VPS13B: variants seen among roughly 807,000 people sequenced by gnomAD.
VPS13B encodes vacuolar protein sorting 13 homolog B, also known as intermembrane lipid transfer protein VPS13B.
A neutral mutation model predicts 426.4 loss-of-function variants in VPS13B; 285 were observed. The observed-to-expected ratio is 0.67, with a 90% CI of 0.61 to 0.74. The LOEUF (loss-of-function observed/expected upper bound fraction) is 0.74, where lower values mean the gene tolerates loss of function less well. Among genes scored for constraint, VPS13B ranks in the 30% least tolerant of loss-of-function variants. The pLI is 0.00. For synonymous variants in VPS13B, 1,676 were observed against 1,676.4 expected (o/e 1.00, Z 0.01); for missense variants, 4,537 against 4,782.6 (o/e 0.95, Z 1.51).
At chr8:99,732,986 C>T (rs1388675586) in intron 39 of VPS13B, among the ~76,000 whole-genome samples, 1 of 152,130 alleles carries the variant, frequency 6.6e-6, no homozygotes, top group African/African-American at 2.4e-5. Flanking sequence ...CTATTAAATA[C>T]TCTCACATTT....
intron 3 of VPS13B, among the ~76,000 whole-genome samples, chr8:99,044,430 G>GT (rs1268409824): frequency 6.6e-6 from 1 of 151,020 alleles, no homozygotes; most frequent in South Asian, 2.1e-4. Context: ...GTGTGTGTGT[G>GT]TTTTTTTAAT....
chr8:99,696,874 C>A, intron 35 of VPS13B: 1 of 825,202 alleles, frequency 1.2e-6, no homozygotes. Context: ...CCATCGGCAT[C>A]AACAACTTCT....
chr8:99,405,367 T>C (rs1039810902), intron 21 of VPS13B, among the ~76,000 whole-genome samples: 6 of 152,220 alleles, frequency 3.9e-5, no homozygotes, highest in African/African-American at 9.7e-5. Context: ...TCATCCTTAG[T>C]GTCTCCCTTT....
chr8:99,095,918 C>T lies in VPS13B; in HGVS notation c.292-394C>T, dbSNP rs1367093852. ...GCTTGGATTGAAAATAGTGTTTTAACATATAAACAACAAATGGGGAAAAAT... is the reference window on the plus strand; with the variant it reads ...GCTTGGATTGAAAATAGTGTTTTAATATATAAACAACAAATGGGGAAAAAT... On this transcript the variant is annotated intron_variant, in intron 3 of 61. Transcript: ENST00000357162. Among the ~76,000 whole-genome samples, 6 of 152,146 alleles carry T rather than the reference C, an allele frequency of 3.9e-5. No homozygotes were observed. The East Asian group carries it at 1.2e-3, about 29-fold the overall frequency.
intron 19 of VPS13B, among the ~76,000 whole-genome samples, chr8:99,300,074 G>A (rs1244892041): frequency 6.6e-6 from 1 of 152,102 alleles, no homozygotes; most frequent in East Asian, 1.9e-4. Flanking sequence ...CTAAATCTTT[G>A]AGTCTGCCTC....
intron 3 of VPS13B, among the ~76,000 whole-genome samples, chr8:99,058,804 G>A (rs960740017): frequency 1.3e-5 from 2 of 152,112 alleles, no homozygotes; most frequent in African/African-American, 4.8e-5. Context: ...GATATACAGA[G>A]GAAGTTCTGG....
intron 39 of VPS13B, among the ~76,000 whole-genome samples, chr8:99,742,875 A>G (rs1809829572): frequency 6.6e-6 from 1 of 152,196 alleles, no homozygotes; most frequent in African/African-American, 2.4e-5. Context: ...TATCATACTG[A>G]ATGGGCAAAA....
At chr8:99,102,882 A>T (rs931643158) in intron 4 of VPS13B, 71 bp from the exon 5 acceptor site, 15 of 1,396,228 alleles carry the variant, frequency 1.1e-5, no homozygotes, top group Non-Finnish European at 1.5e-5. Flanking sequence ...ATTAAGTTCA[A>T]TAACACTTTA....
intron 33 of VPS13B, among the ~76,000 whole-genome samples, chr8:99,617,920 A>T (rs972035176): frequency 2.6e-4 from 39 of 152,160 alleles, no homozygotes; most frequent in African/African-American, 8.9e-4. Context: ...TATCAACCTC[A>T]TACCCAGCCC....
At chr8:99,208,516 A>G (rs1814866881) in intron 17 of VPS13B, among the ~76,000 whole-genome samples, 2 of 152,334 alleles carry the variant, frequency 1.3e-5, no homozygotes, top group East Asian at 1.9e-4. Context: ...TGAAGTGTAT[A>G]TCTCATATGA....
rs149176010 is a variant in VPS13B at position 99,121,280 on chromosome 8, A to G, written c.1041A>G (p.Ser347=). 564 of 1,614,026 alleles carry G rather than the reference A, an allele frequency of 3.5e-4. 1 individual carries two copies. The highest frequency in any genetic ancestry group is 6.6e-4 in the Middle Eastern group (4 of 6,082). Reference sequence around the variant, plus strand: ...AGGAGCAGCCACAGGGATGGGTGTCATGGGCCTGGTCCTTTGTGCCTGCAA... The same window carrying G: ...AGGAGCAGCCACAGGGATGGGTGTCGTGGGCCTGGTCCTTTGTGCCTGCAA... ...QDEEQPQGWV[S]WAWSFVPAIV... The change falls in exon 8 of 62, where the codon TCA becomes TCG. Residue 347 remains serine, a synonymous_variant. Transcript: ENST00000357162.
At chr8:99,266,088 A>G (rs948469477) in intron 17 of VPS13B, among the ~76,000 whole-genome samples, 5 of 152,140 alleles carry the variant, frequency 3.3e-5, no homozygotes, top group African/African-American at 1.2e-4. Context: ...TCATCATTTA[A>G]TATGTACATC....
At chr8:99,475,085 C>T (rs1819621957) in intron 24 of VPS13B, among the ~76,000 whole-genome samples, 1 of 151,942 alleles carries the variant, frequency 6.6e-6, no homozygotes, top group African/African-American at 2.4e-5. Context: ...TGAAAGAAGC[C>T]AAGTGGAAAA....
intron 35 of VPS13B, among the ~76,000 whole-genome samples, chr8:99,664,756 T>C (rs1360656849): frequency 6.6e-6 from 1 of 152,214 alleles, no homozygotes; most frequent in African/African-American, 2.4e-5. Flanking sequence ...TTTGCTATTG[T>C]GAATAGTGCC....
At chr8:99,712,739 C>CAAATAATAAAAA in intron 36 of VPS13B, among the ~76,000 whole-genome samples, 1 of 149,864 alleles carries the variant, frequency 6.7e-6, no homozygotes, top group African/African-American at 2.5e-5. Context: ...TTCTAGCTAT[C>CAAATAATAAAAA]CCATTCTGTG....
chr8:99,314,911 T>G (rs1427578383), intron 19 of VPS13B, among the ~76,000 whole-genome samples: 2 of 152,228 alleles, frequency 1.3e-5, no homozygotes, highest in Non-Finnish European at 2.9e-5. Context: ...TGGTTTTGAC[T>G]TGAAGTCTTT....
At chr8:99,621,820 C>CTTTTTTTTTTTTTTTT (rs749078781) in intron 33 of VPS13B, among the ~76,000 whole-genome samples, 4 of 83,256 alleles carry the variant, frequency 4.8e-5, no homozygotes, top group Non-Finnish European at 6.6e-5. Context: ...TGTTTTGTTT[C>CTTTTTTTTTTTTTTTT]TTTTTTTTTT....
chr8:99,468,900 A>C (rs1394365691), intron 24 of VPS13B, among the ~76,000 whole-genome samples: 1 of 152,072 alleles, frequency 6.6e-6, no homozygotes, highest in Non-Finnish European at 1.5e-5. Flanking sequence ...ATCAGCTTGC[A>C]TTCCATATTT....
intron 19 of VPS13B, among the ~76,000 whole-genome samples, chr8:99,359,854 G>A (rs1355187690): frequency 6.6e-6 from 1 of 152,172 alleles, no homozygotes; most frequent in East Asian, 1.9e-4. Context: ...CCAGGCTGGA[G>A]TGCAGTGATA....
Sources: gnomAD v4.1 joint callset for allele counts (sites outside exome capture counted in the v4.1 genomes callset) on GRCh38, gnomAD v4.1.1 for gene constraint, MANE v1.5 for transcripts, NCBI Gene and HGNC (gene_info 2026-07-23, HGNC 2026-07-21) for gene names.